Variants in STARD13 observed in about 807,000 individuals in gnomAD.
STARD13 encodes StAR related lipid transfer domain containing 13, also known as stAR-related lipid transfer protein 13.
A neutral mutation model predicts 106.4 loss-of-function variants in STARD13; 62 were observed. That is an observed-to-expected ratio of 0.58 (90% CI 0.48 to 0.72). The LOEUF is 0.72. Among genes scored for constraint, STARD13 ranks in the 30% least tolerant of loss-of-function variants. The probability of loss-of-function intolerance (pLI) is 0.00; values close to 1 mark genes in which losing one functional copy is unlikely to be tolerated. For missense variants in STARD13, 1,387 were observed against 1,424.0 expected (o/e 0.97, Z 0.42); for synonymous variants, 565 against 553.0 (o/e 1.02, Z -0.31).
chr13:33,393,161 TG>T, the STARD13 span, among the ~76,000 whole-genome samples: 2 of 152,236 alleles, frequency 1.3e-5, no homozygotes, highest in Non-Finnish European at 2.9e-5. Context: ...TATTTGCCAA[TG>T]CTTACACAAG....
chr13:33,557,252 T>C, the STARD13 span, among the ~76,000 whole-genome samples: 4 of 152,198 alleles, frequency 2.6e-5, no homozygotes, highest in African/African-American at 9.7e-5. Context: ...AATGTGTTGC[T>C]TTTGTTTCAG....
At chr13:33,642,804 A>C in the STARD13 span, among the ~76,000 whole-genome samples, 1 of 151,574 alleles carries the variant, frequency 6.6e-6, no homozygotes, top group East Asian at 1.9e-4. Flanking sequence ...ATCCCCAGAT[A>C]CTGCAGAGGA....
At chr13:33,439,826 A>T in the STARD13 span, 1 of 479,130 alleles carries the variant, frequency 2.1e-6, no homozygotes, top group African/African-American at 2.1e-5. Flanking sequence ...TTAGAATCAA[A>T]TGGCCTCCAG....
At chr13:33,606,770 T>C in the STARD13 span, among the ~76,000 whole-genome samples, 1 of 152,262 alleles carries the variant, frequency 6.6e-6, no homozygotes, top group Non-Finnish European at 1.5e-5. Flanking sequence ...ACTGGTGTTA[T>C]TGGGCTGAAA....
the STARD13 span, among the ~76,000 whole-genome samples, chr13:33,509,812 T>G: frequency 1.3e-5 from 2 of 152,118 alleles, no homozygotes; most frequent in African/African-American, 4.8e-5. Flanking sequence ...GTAGGGCGAA[T>G]TTTCAGTGCC....
chr13:33,240,905 A>G (rs1271397848), intron 1 of STARD13, among the ~76,000 whole-genome samples: 1 of 152,168 alleles, frequency 6.6e-6, no homozygotes, highest in African/African-American at 2.4e-5. Context: ...TGATGTTCGC[A>G]TGTTGGTTTT....
At chr13:33,272,163 T>C (rs1369077925) in intron 1 of STARD13, among the ~76,000 whole-genome samples, 2 of 152,224 alleles carry the variant, frequency 1.3e-5, no homozygotes, top group Admixed American at 6.5e-5. Context: ...CAAAAGTAGC[T>C]ACAGGTTTAG....
At chr13:33,163,643 T>TATATATATATAAAACATATATATATAAC (rs1566038611) in intron 3 of STARD13, among the ~76,000 whole-genome samples, 7 of 39,122 alleles carry the variant, frequency 1.8e-4, no homozygotes, top group East Asian at 1.2e-3. Flanking sequence ...ATATATAACA[T>TATATATATATAAAACATATATATATAAC]ATATATATAT....
At chr13:33,564,097 A>G in the STARD13 span, among the ~76,000 whole-genome samples, 74 of 144,856 alleles carry the variant, frequency 5.1e-4, 8 homozygotes, top group Non-Finnish European at 7.5e-4. Flanking sequence ...AGGCTGAGGC[A>G]GAAGAATCAC....
chr13:33,246,277 C>T (rs1177860486), intron 1 of STARD13, among the ~76,000 whole-genome samples: 1 of 152,156 alleles, frequency 6.6e-6, no homozygotes, highest in African/African-American at 2.4e-5. Context: ...TGTGTTGCTT[C>T]ACAAAAGAGG....
At chr13:33,494,994 T>C in the STARD13 span, among the ~76,000 whole-genome samples, 2 of 152,186 alleles carry the variant, frequency 1.3e-5, no homozygotes, top group African/African-American at 4.8e-5. Flanking sequence ...ATGTTATCAA[T>C]GCTCACTAAC....
chr13:33,407,395 G>T, the STARD13 span, among the ~76,000 whole-genome samples: 3,825 of 152,204 alleles, frequency 0.025, 62 homozygotes, highest in African/African-American at 0.051. Flanking sequence ...AGCGCTTCGG[G>T]TACCACAAGG....
intron 1 of STARD13, chr13:33,350,253 CCG>C (rs1475521595): frequency 4.6e-6 from 7 of 1,510,406 alleles, no homozygotes; most frequent in Non-Finnish European, 5.3e-6. Flanking sequence ...GGCGCCTCCC[CCG>C]CCCCCGTGGG....
chr13:33,111,904 C>T lies in STARD13; in HGVS notation c.2493-12G>A, dbSNP rs1555338469. 8 of 1,552,484 alleles carry T rather than the reference C, an allele frequency of 5.2e-6. No homozygotes were observed. The highest frequency in any genetic ancestry group is 2.2e-5 in the South Asian group (2 of 89,712). ...TCTTCTGTATGACTCTGTAATTGAACGTGAGTGTGCTAAGCAGATCCCACA... is the reference window on the plus strand; with the variant it reads ...TCTTCTGTATGACTCTGTAATTGAATGTGAGTGTGCTAAGCAGATCCCACA... On this transcript the variant is annotated splice_polypyrimidine_tract_variant and intron_variant, in intron 9 of 13. Transcript: ENST00000336934.
chr13:33,553,412 G>A, the STARD13 span, among the ~76,000 whole-genome samples: 11 of 151,846 alleles, frequency 7.2e-5, no homozygotes, highest in Admixed American at 6.6e-4. Flanking sequence ...AATGACATAG[G>A]ACGTAAAGGT....
intron 3 of STARD13, among the ~76,000 whole-genome samples, chr13:33,152,909 G>A (rs1175623488): frequency 6.6e-6 from 1 of 152,186 alleles, no homozygotes; most frequent in Non-Finnish European, 1.5e-5. Flanking sequence ...AAAGGAGGGA[G>A]TAATTGGGTG....
chr13:33,553,665 C>T, the STARD13 span, among the ~76,000 whole-genome samples: 209 of 150,476 alleles, frequency 1.4e-3, no homozygotes, highest in African/African-American at 4.6e-3. Context: ...CTGCAACCTT[C>T]GCCTCCAGGG....
chr13:33,348,482 A>G (rs1254171972), downstream of STARD13: 1 of 152,386 alleles, frequency 6.6e-6, no homozygotes, highest in Non-Finnish European at 1.5e-5. Context: ...CTCAGGTTCT[A>G]TAAAAACCCA....
At chr13:33,359,816 A>G in the STARD13 span, among the ~76,000 whole-genome samples, 1 of 152,198 alleles carries the variant, frequency 6.6e-6, no homozygotes, top group African/African-American at 2.4e-5. Context: ...CAGATAATAT[A>G]TTATGATCAG....
Sources: allele counts gnomAD v4.1 joint callset (sites outside exome capture counted in the v4.1 genomes callset), GRCh38; gene constraint gnomAD v4.1.1; transcripts MANE v1.5; gene names NCBI Gene and HGNC (gene_info 2026-07-23, HGNC 2026-07-21).